The following ANO4 variants were observed in gnomAD, a reference collection of about 807,000 sequenced individuals.
ANO4 encodes the protein anoctamin 4.
In ANO4, 69 loss-of-function variants were observed where a neutral mutation model predicts 141.9. The ratio of observed to expected loss-of-function variants is 0.49; its 90% CI spans 0.40 to 0.59. The LOEUF is 0.59. Ranked by LOEUF, ANO4 falls within the 20% of genes least tolerant of loss-of-function variation. The pLI is 0.00. For missense variants in ANO4, 894 were observed against 1,162.2 expected, an observed-to-expected ratio of 0.77 and a Z score of 3.36; for synonymous variants, 350 against 394.3, an observed-to-expected ratio of 0.89 and a Z score of 1.33.
intron 14 of ANO4, among the ~76,000 whole-genome samples, chr12:101,074,618 G>C (rs1165034920): frequency 6.6e-6 from 1 of 152,038 alleles, no homozygotes; most frequent in Non-Finnish European, 1.5e-5. Context: ...CTGCCACAGG[G>C]TCCATACAAC....
intron 8 of ANO4, among the ~76,000 whole-genome samples, chr12:101,011,886 G>A (rs570018617): frequency 5.9e-5 from 9 of 151,950 alleles, no homozygotes; most frequent in Non-Finnish European, 8.8e-5. Context: ...TCTTGACAAA[G>A]TTACCCCTTC....
chr12:100,987,309 C>G (rs965100202), intron 7 of ANO4: 1 of 502,234 alleles, frequency 2.0e-6, no homozygotes, highest in South Asian at 2.4e-5. Flanking sequence ...ATCTAACTCA[C>G]AGCTGCTATT....
chr12:101,105,067 G>A (rs2050387681), intron 22 of ANO4, among the ~76,000 whole-genome samples: 1 of 152,134 alleles, frequency 6.6e-6, no homozygotes, highest in East Asian at 1.9e-4. Context: ...AGGCTGAAGA[G>A]CTAACCTTAA....
intron 5 of ANO4, among the ~76,000 whole-genome samples, chr12:100,956,308 C>A (rs2043173115): frequency 6.6e-6 from 1 of 152,194 alleles, no homozygotes; most frequent in Non-Finnish European, 1.5e-5. Flanking sequence ...TGTTACTGCT[C>A]ACTAGAGTAC....
intron 7 of ANO4, among the ~76,000 whole-genome samples, chr12:100,984,555 T>C (rs969482698): frequency 4.6e-5 from 7 of 152,196 alleles, no homozygotes; most frequent in Admixed American, 3.9e-4. Context: ...ATGAGCCCAC[T>C]AACCACTCTG....
intron 1 of ANO4, among the ~76,000 whole-genome samples, chr12:100,834,880 T>C (rs1322787225): frequency 6.6e-6 from 1 of 152,100 alleles, no homozygotes; most frequent in South Asian, 2.1e-4. Context: ...GCAAAGGGAA[T>C]GGCAAGTGCA....
At chr12:101,056,245 G>A (rs1380234501) in intron 14 of ANO4, among the ~76,000 whole-genome samples, 1 of 152,004 alleles carries the variant, frequency 6.6e-6, no homozygotes, top group East Asian at 1.9e-4. Flanking sequence ...TTAGCTTTTT[G>A]TTTATTTACA....
At chr12:100,730,699 C>T (rs1054773312) in intron 1 of ANO4, among the ~76,000 whole-genome samples, 2 of 152,074 alleles carry the variant, frequency 1.3e-5, no homozygotes, top group Admixed American at 6.5e-5. Flanking sequence ...ATCTTGCATG[C>T]CCAGTGCTAT....
chr12:101,052,386 G>GA (rs1455857878), intron 14 of ANO4, among the ~76,000 whole-genome samples: 3 of 152,066 alleles, frequency 2.0e-5, no homozygotes, highest in African/African-American at 7.2e-5. Context: ...TCTCCCGAGG[G>GA]AAAAAATGAG....
At chr12:100,855,472 TA>T (rs2038116317) in intron 1 of ANO4, among the ~76,000 whole-genome samples, 1 of 152,148 alleles carries the variant, frequency 6.6e-6, no homozygotes, top group Non-Finnish European at 1.5e-5. Flanking sequence ...TTTTGTGTTA[TA>T]ACTCTCTTCT....
At chr12:100,892,524 A>G (rs2040154955) in intron 1 of ANO4, among the ~76,000 whole-genome samples, 1 of 152,204 alleles carries the variant, frequency 6.6e-6, no homozygotes, top group African/African-American at 2.4e-5. Context: ...ATTTGAGTTT[A>G]GTTACCTGTA....
At chr12:101,002,241 C>T (rs938518408) in intron 8 of ANO4, among the ~76,000 whole-genome samples, 4 of 152,180 alleles carry the variant, frequency 2.6e-5, no homozygotes, top group African/African-American at 9.7e-5. Context: ...TACCTGTGCA[C>T]AGTTAGAAGA....
intron 5 of ANO4, 25 bp from the exon 6 acceptor site, chr12:100,971,281 A>G (rs779732045): frequency 5.9e-6 from 9 of 1,532,350 alleles, no homozygotes. Flanking sequence ...ATACTTTTCA[A>G]TTTAGTTTCT....
chr12:101,086,289 G>T (rs1387350657), intron 16 of ANO4, among the ~76,000 whole-genome samples: 3 of 152,056 alleles, frequency 2.0e-5, no homozygotes, highest in Admixed American at 1.3e-4. Flanking sequence ...GGCTGCGTAA[G>T]GGTTTTGCTT....
At chr12:100,762,771 C>T (rs768008016) in intron 3 of ANO4, among the ~76,000 whole-genome samples, 3 of 152,174 alleles carry the variant, frequency 2.0e-5, no homozygotes, top group Non-Finnish European at 4.4e-5. Context: ...TGAACACATA[C>T]TCTGTGCCAT....
intron 1 of ANO4, among the ~76,000 whole-genome samples, chr12:100,859,600 C>T (rs2038366705): frequency 6.6e-6 from 1 of 152,112 alleles, no homozygotes. Flanking sequence ...AGAAGACAAA[C>T]ATTTAAAGTG....
chr12:100,746,654 AC>A (rs1831669005), intron 3 of ANO4, among the ~76,000 whole-genome samples: 2 of 152,160 alleles, frequency 1.3e-5, no homozygotes, highest in African/African-American at 4.8e-5. Flanking sequence ...GTGGGTGGAC[AC>A]CAGGGATACT....
chr12:100,925,098 A>G (rs1566017012), intron 3 of ANO4, among the ~76,000 whole-genome samples: 2 of 152,078 alleles, frequency 1.3e-5, no homozygotes, highest in African/African-American at 4.8e-5. Context: ...GTTGCAAACA[A>G]GTTTTGTGCT....
intron 2 of ANO4, among the ~76,000 whole-genome samples, 184 bp from the exon 3 acceptor site, chr12:100,922,034 GTCCCATAA>G (rs1360933003): frequency 2.0e-5 from 3 of 150,110 alleles, no homozygotes; most frequent in African/African-American, 7.3e-5. Context: ...AACCTTTTTG[GTCCCATAA>G]AATGCAAATG....
Sources: gnomAD v4.1 joint callset for allele counts (sites outside exome capture counted in the v4.1 genomes callset) on GRCh38, gnomAD v4.1.1 for gene constraint, MANE v1.5 for transcripts, NCBI Gene and HGNC (gene_info 2026-07-23, HGNC 2026-07-21) for gene names.